Variants in ATP2C1 observed in about 807,000 individuals in gnomAD.
ATP2C1 encodes ATPase secretory pathway Ca2+ transporting 1.
ATP2C1 carries 31 observed loss-of-function variants against 120.5 expected under a neutral mutation model. The observed-to-expected ratio is 0.26, with a 90% CI of 0.19 to 0.35. ATP2C1 has a LOEUF of 0.35. Ranked by LOEUF, ATP2C1 falls within the 10% of genes least tolerant of loss-of-function variation. ATP2C1 has a pLI of 1.00. For synonymous variants in ATP2C1, 351 were observed against 358.7 expected, an observed-to-expected ratio of 0.98 and a Z score of 0.24; for missense variants, 731 against 1,107.5, an observed-to-expected ratio of 0.66 and a Z score of 4.83.
chr3:130,908,262 G>A (rs2058232717), intron 2 of ATP2C1, among the ~76,000 whole-genome samples: 1 of 152,026 alleles, frequency 6.6e-6, no homozygotes, highest in Admixed American at 6.6e-5. Flanking sequence ...GTTTGTACAG[G>A]ATGTTTACTG....
intron 26 of ATP2C1, chr3:131,015,912 A>T: frequency 1.6e-6 from 1 of 645,000 alleles, no homozygotes; most frequent in Non-Finnish European, 2.7e-6. Context: ...CTGATTTTTT[A>T]AAATTGGATT....
In ATP2C1 at chr3:130,894,781, G is replaced by C. The variant is rs1315215495; in HGVS notation, c.6+6G>C. On this transcript the variant is annotated splice_donor_region_variant and intron_variant, in intron 2 of 27. Coordinates refer to ENST00000510168, the MANE Select transcript of ATP2C1 (RefSeq NM_001378687.1). This position sits in a 1 kb window ranked among gnomAD's most constrained non-coding sequence, Gnocchi z 4.5. ...AGTTTCGATGGAAAATGAAGGTAAA[G>C]GCCCCTGGCCGACCGGTTGCAACGC... is the stretch of plus-strand genomic sequence containing the variant. 6.2e-7 allele frequency: 1 copy of C among 1,614,074 alleles called. No individual in the cohort carries two copies. The highest frequency in any genetic ancestry group is 1.1e-5 in the South Asian group (1 of 91,084).
intron 12 of ATP2C1, among the ~76,000 whole-genome samples, chr3:130,960,618 C>A (rs1011401454): frequency 1.3e-5 from 2 of 152,100 alleles, no homozygotes; most frequent in African/African-American, 4.8e-5. Context: ...ACTAGGTGAA[C>A]AGAACTAGAG....
At chr3:130,964,212 T>A (rs1023056073) in intron 13 of ATP2C1, 117 bp downstream of exon 13, 1 of 1,439,832 alleles carries the variant, frequency 6.9e-7, no homozygotes, top group Non-Finnish European at 9.7e-7. Flanking sequence ...GTTTGGCTTA[T>A]GGCAAAATTG....
chr3:130,952,293 G>T (rs2060402524), intron 8 of ATP2C1, among the ~76,000 whole-genome samples: 1 of 152,044 alleles, frequency 6.6e-6, no homozygotes, highest in South Asian at 2.1e-4. Flanking sequence ...TAAAGCACAG[G>T]GCCTGGCACA....
intron 1 of ATP2C1, among the ~76,000 whole-genome samples, chr3:130,870,084 C>G (rs991970672): frequency 6.6e-6 from 1 of 152,090 alleles, no homozygotes; most frequent in Non-Finnish European, 1.5e-5. Context: ...TGCTTGTGCT[C>G]TATCAATGGA....
chr3:130,984,854 A>G (rs887444390), intron 20 of ATP2C1, among the ~76,000 whole-genome samples: 1 of 152,270 alleles, frequency 6.6e-6, no homozygotes, highest in African/African-American at 2.4e-5. Context: ...AATAAGCAAT[A>G]ATAAATAACC....
rs577086038 is a variant in ATP2C1 at position 130,917,803 on chromosome 3, C to T, written c.7-12613C>T. On this transcript the variant is annotated intron_variant, in intron 2 of 27. Coordinates refer to ENST00000510168, the MANE Select transcript of ATP2C1 (RefSeq NM_001378687.1). ...TCATGAGCTTTGATTAGCTACTCTC[C>T]ATTTCCCCTTCTCCCAGCCTCTGCT... is the stretch of plus-strand genomic sequence containing the variant. Among the ~76,000 whole-genome samples the T allele has an allele frequency of 1.2e-4, 18 of 152,278 alleles. No individual in the cohort carries two copies. In the South Asian group the frequency reaches 3.5e-3, roughly 30 times the overall value.
Position 130,894,251 on chromosome 3 carries a change from T to A in ATP2C1, c.-267T>A, listed in dbSNP as rs929821101. The A allele has an allele frequency of 1.4e-5, 14 of 983,276 alleles. No homozygotes were observed. In the African/African-American group the frequency reaches 2.1e-4, roughly 15 times the overall value. 60.9% of individuals were successfully genotyped at this position (983,276 alleles called of 1,614,324 possible). On this transcript the variant is annotated 5_prime_UTR_variant, in exon 1 of 28. Coordinates refer to ENST00000510168, the MANE Select transcript of ATP2C1 (RefSeq NM_001378687.1). This position sits in a 1 kb window ranked among gnomAD's most constrained non-coding sequence, Gnocchi z 4.5. ...CTCGCACCGCTGCCCCGCGAGCAGC[T>A]CCTCTTCTCCCGAGGCGCGCGGGGC...
intron 8 of ATP2C1, among the ~76,000 whole-genome samples, chr3:130,950,047 T>G (rs1218262166): frequency 6.6e-6 from 1 of 152,136 alleles, no homozygotes; most frequent in Non-Finnish European, 1.5e-5. Context: ...AGTTGTTCCA[T>G]ATTAACCTGA....
intron 8 of ATP2C1, among the ~76,000 whole-genome samples, chr3:130,949,843 C>A (rs564113620): frequency 1.3e-4 from 20 of 152,106 alleles, no homozygotes; most frequent in African/African-American, 4.6e-4. Context: ...TTTTTGAGAA[C>A]AGAAGTAAGA....
chr3:130,851,043 T>G (rs2067659434), intron 1 of ATP2C1: 2 of 499,016 alleles, frequency 4.0e-6, no homozygotes, highest in Non-Finnish European at 6.3e-6. Flanking sequence ...ACAGGTCAGA[T>G]CCTGCTTGTG....
At chr3:130,997,114 TCA>T (rs2062661700) in intron 24 of ATP2C1, among the ~76,000 whole-genome samples, 1 of 152,104 alleles carries the variant, frequency 6.6e-6, no homozygotes, top group African/African-American at 2.4e-5. Flanking sequence ...ATTTCTGGGT[TCA>T]GTTTTATTAT....
chr3:130,998,237 C>G (rs1320888361), intron 25 of ATP2C1, 57 bp from the exon 26 acceptor site: 9 of 1,127,862 alleles, frequency 8.0e-6, no homozygotes, highest in African/African-American at 1.5e-5. Context: ...TAAAAAGCAG[C>G]GATTTATCCA....
chr3:131,015,566 G>GTTA (rs1379293075), intron 26 of ATP2C1, among the ~76,000 whole-genome samples: 1 of 152,148 alleles, frequency 6.6e-6, no homozygotes, highest in Non-Finnish European at 1.5e-5. Flanking sequence ...AAACATCCTA[G>GTTA]GTTAAGTTCA....
chr3:130,873,438 T>G (rs2068499220), intron 1 of ATP2C1, among the ~76,000 whole-genome samples: 1 of 152,248 alleles, frequency 6.6e-6, no homozygotes, highest in African/African-American at 2.4e-5. Context: ...TATATACAAA[T>G]ATGTACTTTT....
chr3:130,894,166 C>CCAAA lies in ATP2C1; in HGVS notation c.-352_-351insCAAA. On this transcript the variant is annotated 5_prime_UTR_variant, in exon 1 of 28. Transcript: ENST00000510168. The surrounding 1 kb of genome is among the most constrained non-coding windows in gnomAD (Gnocchi z 4.5). ...CTCTTCTCTCCCCTCCCCGCCCGCC[C>CCAAA]TCTCTCCCTCCCTTCCTCCCTCCCG... 1.2e-6 allele frequency: 1 copy of CCAAA among 863,314 alleles called. No individual in the cohort carries two copies. The highest frequency in any genetic ancestry group is 1.4e-6 in the Non-Finnish European group (1 of 718,558). 53.5% of individuals were successfully genotyped at this position (863,314 alleles called of 1,614,324 possible). A position where few individuals can be genotyped will look rare whatever the true frequency, so the allele number is the denominator to read the frequency against.
intron 2 of ATP2C1, among the ~76,000 whole-genome samples, chr3:130,906,248 C>T (rs1002806746): frequency 2.0e-5 from 3 of 152,024 alleles, no homozygotes; most frequent in East Asian, 1.9e-4. Flanking sequence ...TCTCCCCTTT[C>T]GCTAGCCCCT....
chr3:130,992,890 A>G (rs1446945891), intron 20 of ATP2C1, 61 bp from the exon 21 acceptor site: 2 of 1,351,154 alleles, frequency 1.5e-6, no homozygotes, highest in South Asian at 1.2e-5. Context: ...TTATGAATGC[A>G]TGGGTTATTC....
Sources: allele counts gnomAD v4.1 joint callset (sites outside exome capture counted in the v4.1 genomes callset), GRCh38; gene constraint gnomAD v4.1.1; non-coding constraint Gnocchi (gnomAD v3.1); transcripts MANE v1.5; gene names NCBI Gene and HGNC (gene_info 2026-07-23, HGNC 2026-07-21).